The following PIK3C2G variants were observed in gnomAD, a reference collection of about 807,000 sequenced individuals.
PIK3C2G encodes phosphatidylinositol 3-kinase C2 domain-containing subunit gamma.
Under a neutral mutation model 181.1 loss-of-function variants are expected in PIK3C2G, and 168 were observed. The observed-to-expected ratio is 0.93, with a 90% CI of 0.82 to 1.05. The LOEUF (loss-of-function observed/expected upper bound fraction) is 1.05, where lower values mean the gene tolerates loss of function less well. Among genes scored for constraint, PIK3C2G ranks in the 50% least tolerant of loss-of-function variants. PIK3C2G has a pLI of 0.00. For missense variants in PIK3C2G, 1,869 were observed against 1,732.8 expected (o/e 1.08, Z -1.40); for synonymous variants, 573 against 592.2 (o/e 0.97, Z 0.47).
At chr12:18,520,949 G>A (rs1017193666) in intron 24 of PIK3C2G, among the ~76,000 whole-genome samples, 1 of 152,124 alleles carries the variant, frequency 6.6e-6, no homozygotes, top group Admixed American at 6.5e-5. Flanking sequence ...TGTTGATGCT[G>A]TTGTTGTTGC....
intron 15 of PIK3C2G, among the ~76,000 whole-genome samples, chr12:18,394,975 C>T (rs1943765431): frequency 6.6e-6 from 1 of 151,718 alleles, no homozygotes; most frequent in Non-Finnish European, 1.5e-5. Flanking sequence ...AATACATACT[C>T]TCCCTTTCTT....
chr12:18,482,194 C>CT (rs1030939176), intron 18 of PIK3C2G, among the ~76,000 whole-genome samples: 2 of 119,556 alleles, frequency 1.7e-5, no homozygotes, highest in Non-Finnish European at 3.2e-5. Flanking sequence ...GACTCCAATA[C>CT]TAGCCAAGAT....
In PIK3C2G at chr12:18,580,131, CA is replaced by C. The variant is rs34226663; in HGVS notation, c.4011+13088del. Among the ~76,000 whole-genome samples the C allele has an allele frequency of 8.4e-3, 888 of 106,262 alleles. 6 individuals carry two copies. Among genetic ancestry groups the C allele is most frequent in the African/African-American group, 0.02 (564 of 27,900 alleles). 69.7% of individuals were successfully genotyped at this position (106,262 alleles called of 152,430 possible). ...CTGGCAATAGAGTAAGACTCTGTCT[CA>C]AAAAAAAAAAAAAGAGAGAGAGAGA... On this transcript the variant is annotated intron_variant, in intron 29 of 32. Coordinates refer to ENST00000538779, the MANE Select transcript of PIK3C2G (RefSeq NM_001288772.2).
chr12:18,310,240 A>G (rs1012334406), intron 5 of PIK3C2G, among the ~76,000 whole-genome samples: 1 of 151,914 alleles, frequency 6.6e-6, no homozygotes, highest in Non-Finnish European at 1.5e-5. Context: ...AAAGATAATT[A>G]CTTATAGATT....
intron 5 of PIK3C2G, among the ~76,000 whole-genome samples, chr12:18,302,270 A>G (rs1950207391): frequency 6.6e-6 from 1 of 152,166 alleles, no homozygotes; most frequent in South Asian, 2.1e-4. Flanking sequence ...CAGTGCGCCT[A>G]CAATCAATGA....
intron 18 of PIK3C2G, among the ~76,000 whole-genome samples, chr12:18,459,914 C>T (rs1947825871): frequency 6.6e-6 from 1 of 152,228 alleles, no homozygotes; most frequent in Admixed American, 6.5e-5. Context: ...AGGCACCTGC[C>T]ACCACGTCTG....
intron 28 of PIK3C2G, 99 bp from the exon 29 acceptor site, chr12:18,566,850 G>A (rs994319084): frequency 1.1e-5 from 8 of 704,102 alleles, no homozygotes; most frequent in Non-Finnish European, 2.1e-5. Context: ...GTTTTCATTG[G>A]CCCTTCCATC....
At chr12:18,536,224 A>G (rs1394911346) in intron 24 of PIK3C2G, among the ~76,000 whole-genome samples, 1 of 152,126 alleles carries the variant, frequency 6.6e-6, no homozygotes, top group Non-Finnish European at 1.5e-5. Context: ...TTTCTGATAG[A>G]TTTTTGAAGA....
chr12:18,247,774 T>C (rs1948055388), exon 1 of PIK3C2G: 1 of 152,204 alleles, frequency 6.6e-6, no homozygotes, highest in South Asian at 2.1e-4. Flanking sequence ...TAGTCCTTAG[T>C]TCCTGCCACA....
chr12:18,448,502 C>A (rs987721311), intron 18 of PIK3C2G, among the ~76,000 whole-genome samples: 2 of 152,076 alleles, frequency 1.3e-5, no homozygotes, highest in Admixed American at 6.6e-5. Context: ...TAGACTTATG[C>A]AGCATATACA....
intron 12 of PIK3C2G, 118 bp from the exon 13 acceptor site, chr12:18,371,062 G>T: frequency 1.4e-6 from 1 of 733,540 alleles, no homozygotes; most frequent in Non-Finnish European, 2.0e-6. Context: ...ATTTCAAGAG[G>T]CAGCCTCAAT....
chr12:18,464,310 G>A (rs1463272956), intron 18 of PIK3C2G, among the ~76,000 whole-genome samples: 1 of 152,004 alleles, frequency 6.6e-6, no homozygotes, highest in African/African-American at 2.4e-5. Flanking sequence ...TTTTATAAGG[G>A]CATGAATCCC....
chr12:18,493,664 G>A (rs7964110), intron 20 of PIK3C2G: 47,885 of 152,088 alleles, frequency 0.31, 8,592 homozygotes, highest in African/African-American at 0.49. Context: ...TGCACCAGAG[G>A]GTTCACACTG....
At position 18,399,851 on chromosome 12, in the gene PIK3C2G, A is replaced by G; in HGVS notation, c.2315+4A>G. The G allele has an allele frequency of 6.4e-7, 1 of 1,555,424 alleles. No homozygotes were observed. Among genetic ancestry groups the G allele is most frequent in the Admixed American group, 1.7e-5 (1 of 57,956 alleles). Reference sequence around the variant, plus strand: ...CTCTTGGGCTTTTGACTTCCAGGTAAGAATTGCATAACAAGCATGATATTA... The same window carrying G: ...CTCTTGGGCTTTTGACTTCCAGGTAGGAATTGCATAACAAGCATGATATTA... On this transcript the variant is annotated splice_donor_region_variant and intron_variant, in intron 16 of 32. Transcript: ENST00000538779.
chr12:18,295,828 T>C (rs1313581210), intron 5 of PIK3C2G, among the ~76,000 whole-genome samples: 4 of 152,050 alleles, frequency 2.6e-5, no homozygotes, highest in African/African-American at 9.6e-5. Context: ...TATTTACTAC[T>C]GTTCTAGCAT....
intron 29 of PIK3C2G, among the ~76,000 whole-genome samples, chr12:18,589,988 T>C (rs1946990792): frequency 6.6e-6 from 1 of 151,914 alleles, no homozygotes; most frequent in Non-Finnish European, 1.5e-5. Context: ...CCATTTTCAG[T>C]GGTTACATAA....
downstream of PIK3C2G, among the ~76,000 whole-genome samples, chr12:18,649,128 C>T (rs536908667): frequency 2.0e-5 from 3 of 152,224 alleles, no homozygotes; most frequent in African/African-American, 7.2e-5. Flanking sequence ...TCCCTTTCTG[C>T]TAGACGATTA....
At chr12:18,572,215 A>G (rs1945981491) in intron 29 of PIK3C2G, among the ~76,000 whole-genome samples, 1 of 150,318 alleles carries the variant, frequency 6.7e-6, no homozygotes, top group Admixed American at 6.6e-5. Context: ...AATTCATATA[A>G]TCAACTTTTT....
intron 32 of PIK3C2G, 56 bp downstream of exon 32, chr12:18,640,610 G>T: frequency 6.8e-7 from 1 of 1,470,894 alleles, no homozygotes; most frequent in Non-Finnish European, 9.2e-7. Context: ...CCATTTTTCA[G>T]CTTAACAACC....
Sources: gnomAD v4.1 joint callset for allele counts (sites outside exome capture counted in the v4.1 genomes callset) on GRCh38, gnomAD v4.1.1 for gene constraint, MANE v1.5 for transcripts, NCBI Gene and HGNC (gene_info 2026-07-23, HGNC 2026-07-21) for gene names.